Variants in CDK5RAP2 observed in about 807,000 individuals in gnomAD.
The protein encoded by CDK5RAP2 is CDK5 regulatory subunit associated protein 2.
In CDK5RAP2, 147 loss-of-function variants were observed where a neutral mutation model predicts 232.9. The ratio of observed to expected loss-of-function variants is 0.63; its 90% CI spans 0.55 to 0.72. The LOEUF is 0.72. CDK5RAP2 is among the 30% of genes least tolerant of loss of function. The probability of loss-of-function intolerance (pLI) is 0.00; values close to 1 mark genes in which losing one functional copy is unlikely to be tolerated. For missense variants in CDK5RAP2, 2,195 were observed against 2,231.5 expected (o/e 0.98, Z 0.33); for synonymous variants, 833 against 833.7 (o/e 1.00, Z 0.01).
chr9:120,431,169 G>T (rs1459114184), intron 25 of CDK5RAP2, among the ~76,000 whole-genome samples: 1 of 152,128 alleles, frequency 6.6e-6, no homozygotes, highest in Non-Finnish European at 1.5e-5. Context: ...GCTAAATGAC[G>T]AGTTAATGGG....
chr9:120,410,270 G>A (rs781074859), intron 29 of CDK5RAP2, among the ~76,000 whole-genome samples: 7 of 152,070 alleles, frequency 4.6e-5, no homozygotes, highest in Non-Finnish European at 7.4e-5. Flanking sequence ...TCCCTCAAGC[G>A]CCAGACACAT....
intron 12 of CDK5RAP2, among the ~76,000 whole-genome samples, chr9:120,513,682 T>A (rs1178845574): frequency 6.6e-6 from 1 of 152,250 alleles, no homozygotes; most frequent in Non-Finnish European, 1.5e-5. Context: ...TGGTTGTTTC[T>A]TCATGTCTCT....
chr9:120,568,202 C>A, intron 3 of CDK5RAP2, 119 bp downstream of exon 3: 4 of 803,888 alleles, frequency 5.0e-6, no homozygotes, highest in Non-Finnish European at 8.9e-6. Context: ...AGACATGGCA[C>A]CCCCCTGCCT....
chr9:120,474,439 G>A (rs377186409), intron 15 of CDK5RAP2, among the ~76,000 whole-genome samples: 2 of 152,130 alleles, frequency 1.3e-5, no homozygotes, highest in African/African-American at 2.4e-5. Context: ...GGTAGAGGCC[G>A]GGGATTGTTA....
intron 5 of CDK5RAP2, among the ~76,000 whole-genome samples, chr9:120,541,391 A>C (rs989684787): frequency 6.6e-6 from 1 of 152,222 alleles, no homozygotes; most frequent in African/African-American, 2.4e-5. Context: ...CCAGTAAAAT[A>C]TACTCCCAAT....
In CDK5RAP2 at chr9:120,526,842, A is replaced by G. The variant is rs148350987; in HGVS notation, c.999+964T>C. On this transcript the variant is annotated intron_variant, in intron 10 of 37. Transcript: ENST00000349780. ...TGTGGTGCATATGGGGTCTCTCCTAACTAAACACCTTGACCAATGTTCTCC... is the reference window on the plus strand; with the variant it reads ...TGTGGTGCATATGGGGTCTCTCCTAGCTAAACACCTTGACCAATGTTCTCC... Among the ~76,000 whole-genome samples the G allele has an allele frequency of 2.6e-5, 4 of 152,252 alleles. No individual in the cohort carries two copies. In the South Asian group the frequency reaches 6.2e-4, roughly 24 times the overall value.
At chr9:120,462,440 T>TAA (rs772351673) in intron 18 of CDK5RAP2, among the ~76,000 whole-genome samples, 2 of 132,380 alleles carry the variant, frequency 1.5e-5, no homozygotes, top group Non-Finnish European at 1.6e-5. Flanking sequence ...CTCATCAAAT[T>TAA]AAAAAAAAAA....
chr9:120,568,299 GT>G, intron 3 of CDK5RAP2, 21 bp downstream of exon 3: 1 of 1,581,146 alleles, frequency 6.3e-7, no homozygotes, highest in Non-Finnish European at 8.7e-7. Context: ...GTTGGGGGCA[GT>G]AATTTGGTAT....
intron 5 of CDK5RAP2, among the ~76,000 whole-genome samples, chr9:120,543,601 G>A (rs539639105): frequency 6.6e-6 from 1 of 152,248 alleles, no homozygotes; most frequent in African/African-American, 2.4e-5. Context: ...GCTCACCCCT[G>A]TAATCCCAGT....
intron 25 of CDK5RAP2, among the ~76,000 whole-genome samples, chr9:120,432,466 T>C (rs1218751408): frequency 6.6e-6 from 1 of 152,196 alleles, no homozygotes; most frequent in African/African-American, 2.4e-5. Flanking sequence ...TAAGAACTCA[T>C]GCTATATGAC....
chr9:120,406,815 G>A, intron 32 of CDK5RAP2, 197 bp downstream of exon 32: 1 of 593,314 alleles, frequency 1.7e-6, no homozygotes, highest in South Asian at 2.1e-5. Flanking sequence ...AGATGCCTCA[G>A]ATGGAGATTA....
intron 20 of CDK5RAP2, among the ~76,000 whole-genome samples, chr9:120,456,412 G>A (rs1028867244): frequency 6.6e-6 from 1 of 152,140 alleles, no homozygotes; most frequent in East Asian, 1.9e-4. Flanking sequence ...GCAATGACAG[G>A]CACCCCTGTG....
intron 14 of CDK5RAP2, among the ~76,000 whole-genome samples, chr9:120,484,152 T>C (rs1379406110): frequency 1.3e-5 from 2 of 152,172 alleles, no homozygotes; most frequent in Non-Finnish European, 2.9e-5. Context: ...CCAGAGTCTA[T>C]GGAGACATGA....
In CDK5RAP2 at chr9:120,580,160, A is replaced by G. The variant is rs748240188; in HGVS notation, c.-182T>C. 14 of 574,890 alleles carry G rather than the reference A, an allele frequency of 2.4e-5. No homozygotes were observed. Among genetic ancestry groups the G allele is most frequent in the African/African-American group, 5.7e-5 (3 of 52,792 alleles). 35.6% of individuals were successfully genotyped at this position (574,890 alleles called of 1,614,324 possible). ...GCCATCTTTCCCGGCGCTTCTTCCT[A>G]CGGAAACGAGGCGGGGTCACGGAGG... On this transcript the variant is annotated 5_prime_UTR_variant, in exon 1 of 38. Coordinates refer to ENST00000349780, the MANE Select transcript of CDK5RAP2 (RefSeq NM_018249.6).
chr9:120,389,715 G>A (rs766962234), intron 37 of CDK5RAP2, 26 bp downstream of exon 37: 2 of 1,609,288 alleles, frequency 1.2e-6, no homozygotes, highest in Admixed American at 1.7e-5. Context: ...CCACTGGCCT[G>A]CAGTGAAAAG....
intron 31 of CDK5RAP2, chr9:120,407,984 A>G (rs1185430399): frequency 3.1e-6 from 1 of 320,902 alleles, no homozygotes; most frequent in African/African-American, 2.1e-5. Context: ...GGATGCTTTT[A>G]ATAAATGGTC....
intron 14 of CDK5RAP2, among the ~76,000 whole-genome samples, chr9:120,480,839 T>C (rs2038265849): frequency 6.6e-6 from 1 of 152,214 alleles, no homozygotes; most frequent in Admixed American, 6.5e-5. Context: ...CTGGTCATGA[T>C]AAGTTAGTCA....
At chr9:120,566,183 T>A (rs1360574163) in intron 3 of CDK5RAP2, among the ~76,000 whole-genome samples, 2 of 152,180 alleles carry the variant, frequency 1.3e-5, no homozygotes, top group Non-Finnish European at 2.9e-5. Context: ...CCTATAAGCA[T>A]CCCACAGAAA....
At chr9:120,397,106 C>T (rs2032534787) in intron 35 of CDK5RAP2, among the ~76,000 whole-genome samples, 1 of 152,224 alleles carries the variant, frequency 6.6e-6, no homozygotes, top group Non-Finnish European at 1.5e-5. Context: ...AGTGCTGAAG[C>T]CACTCCCTCC....
Sources: allele counts gnomAD v4.1 joint callset (sites outside exome capture counted in the v4.1 genomes callset), GRCh38; gene constraint gnomAD v4.1.1; transcripts MANE v1.5; gene names NCBI Gene and HGNC (gene_info 2026-07-23, HGNC 2026-07-21).